Variants in VTI1A observed in about 807,000 individuals in gnomAD.
VTI1A encodes the protein vesicle transport through interaction with t-SNAREs homolog 1A.
Under a neutral mutation model 34.9 loss-of-function variants are expected in VTI1A, and 22 were observed. The ratio of observed to expected loss-of-function variants is 0.63; its 90% CI spans 0.45 to 0.90. The LOEUF (loss-of-function observed/expected upper bound fraction) is 0.90, where lower values mean the gene tolerates loss of function less well. VTI1A is among the 40% of genes least tolerant of loss of function. VTI1A has a pLI of 0.00. For synonymous variants in VTI1A, 87 were observed against 97.3 expected (o/e 0.89, Z 0.62); for missense variants, 268 against 275.6 (o/e 0.97, Z 0.20).
At chr10:112,567,435 T>G in intron 5 of VTI1A, among the ~76,000 whole-genome samples, 1 of 152,252 alleles carries the variant, frequency 6.6e-6, no homozygotes, top group Admixed American at 6.5e-5. Context: ...TTATTATTGC[T>G]CACATTTATA....
intron 7 of VTI1A, among the ~76,000 whole-genome samples, chr10:112,697,120 A>G (rs1181479385): frequency 6.6e-6 from 1 of 152,186 alleles, no homozygotes; most frequent in Non-Finnish European, 1.5e-5. Context: ...TAAGCAGAAA[A>G]AGGCGTATTA....
chr10:112,552,780 C>G (rs971122667), intron 5 of VTI1A, among the ~76,000 whole-genome samples: 1 of 152,146 alleles, frequency 6.6e-6, no homozygotes, highest in Non-Finnish European at 1.5e-5. Context: ...CTTGGGCTTC[C>G]TGTAGAATGC....
chr10:112,567,299 G>C (rs988064521), intron 5 of VTI1A, among the ~76,000 whole-genome samples: 1 of 152,140 alleles, frequency 6.6e-6, no homozygotes, highest in African/African-American at 2.4e-5. Context: ...AAAGTGCTGG[G>C]ATTACAGGTG....
the VTI1A span, among the ~76,000 whole-genome samples, chr10:112,837,978 C>T: frequency 6.6e-6 from 1 of 152,208 alleles, no homozygotes; most frequent in Non-Finnish European, 1.5e-5. Context: ...GGCCCTCTTA[C>T]GAGGCAGCAA....
intron 5 of VTI1A, among the ~76,000 whole-genome samples, chr10:112,567,929 A>T (rs570469890): frequency 3.0e-4 from 46 of 152,324 alleles, no homozygotes; most frequent in Middle Eastern, 3.4e-3. Context: ...ACACATCCGT[A>T]TAGGCAAAAC....
intron 5 of VTI1A, among the ~76,000 whole-genome samples, chr10:112,550,610 A>G (rs940601138): frequency 6.6e-6 from 1 of 152,094 alleles, no homozygotes; most frequent in African/African-American, 2.4e-5. Context: ...TTAAAAAATA[A>G]TTTTTTATTG....
At chr10:112,707,834 A>G (rs574847545) in intron 7 of VTI1A, among the ~76,000 whole-genome samples, 1 of 152,322 alleles carries the variant, frequency 6.6e-6, no homozygotes, top group African/African-American at 2.4e-5. Flanking sequence ...CTCTGCCAGA[A>G]TTATTTATTT....
At chr10:112,688,521 C>CTTTTTTTTTTTTTTTTTTT (rs59853999) in intron 7 of VTI1A, among the ~76,000 whole-genome samples, 1 of 116,448 alleles carries the variant, frequency 8.6e-6, no homozygotes, top group Non-Finnish European at 1.7e-5. Flanking sequence ...CAATTTTTTT[C>CTTTTTTTTTTTTTTTTTTT]TTTTTTTTTT....
intron 7 of VTI1A, among the ~76,000 whole-genome samples, chr10:112,695,068 G>T (rs1848734447): frequency 6.6e-6 from 1 of 152,114 alleles, no homozygotes; most frequent in Non-Finnish European, 1.5e-5. Flanking sequence ...TTTAAATTAT[G>T]TGGGAAATGG....
At chr10:112,600,191 C>T (rs1054730490) in intron 5 of VTI1A, among the ~76,000 whole-genome samples, 14 of 152,236 alleles carry the variant, frequency 9.2e-5, no homozygotes, top group Admixed American at 6.5e-4. Flanking sequence ...ATGCACCCCT[C>T]CCTCAAAGAT....
At chr10:112,555,866 C>T (rs774114108) in intron 5 of VTI1A, among the ~76,000 whole-genome samples, 9 of 152,008 alleles carry the variant, frequency 5.9e-5, no homozygotes, top group Admixed American at 3.9e-4. Flanking sequence ...GGTCATTTAT[C>T]AGTGCTCCAT....
At chr10:112,507,758 G>C (rs907615422) in intron 3 of VTI1A, among the ~76,000 whole-genome samples, 1 of 152,096 alleles carries the variant, frequency 6.6e-6, no homozygotes, top group Non-Finnish European at 1.5e-5. Context: ...GCATTGGCTG[G>C]TTGACCCTAT....
intron 5 of VTI1A, among the ~76,000 whole-genome samples, chr10:112,580,256 G>A (rs891686204): frequency 2.0e-5 from 3 of 152,138 alleles, no homozygotes; most frequent in Non-Finnish European, 4.4e-5. Context: ...GGTGAAAGAA[G>A]CAGAAGATAG....
intron 4 of VTI1A, among the ~76,000 whole-genome samples, chr10:112,528,655 A>T (rs962082766): frequency 6.6e-6 from 1 of 152,170 alleles, no homozygotes. Context: ...AAATGAGTGA[A>T]TCATAATTTT....
At chr10:112,642,466 A>C (rs924415791) in intron 5 of VTI1A, among the ~76,000 whole-genome samples, 1 of 152,216 alleles carries the variant, frequency 6.6e-6, no homozygotes, top group African/African-American at 2.4e-5. Flanking sequence ...GTTCAAAATT[A>C]TAGTAACATT....
At chr10:112,711,631 C>T (rs2133921801) in intron 7 of VTI1A, among the ~76,000 whole-genome samples, 1 of 152,336 alleles carries the variant, frequency 6.6e-6, no homozygotes, top group Middle Eastern at 3.4e-3. Flanking sequence ...AGACCGGTGA[C>T]TTCCCACACA....
intron 5 of VTI1A, among the ~76,000 whole-genome samples, chr10:112,618,750 C>T (rs1187099059): frequency 2.6e-5 from 4 of 151,666 alleles, no homozygotes; most frequent in African/African-American, 7.3e-5. Flanking sequence ...TACATTTTGG[C>T]GTCTGCCTCC....
At chr10:112,712,474 TCACA>T (rs60129148) in intron 7 of VTI1A, among the ~76,000 whole-genome samples, 13,152 of 143,378 alleles carry the variant, frequency 0.092, 556 homozygotes, top group East Asian at 0.15. Context: ...TCAACTATTA[TCACA>T]CACACACACA....
At chr10:112,706,905 G>T (rs1035063811) in intron 7 of VTI1A, among the ~76,000 whole-genome samples, 1 of 151,984 alleles carries the variant, frequency 6.6e-6, no homozygotes, top group Non-Finnish European at 1.5e-5. Flanking sequence ...CACTCAACAT[G>T]TTTATCATGT....
Sources: allele counts gnomAD v4.1 joint callset (sites outside exome capture counted in the v4.1 genomes callset), GRCh38; gene constraint gnomAD v4.1.1; transcripts MANE v1.5; gene names NCBI Gene and HGNC (gene_info 2026-07-23, HGNC 2026-07-21).